Variants in SAMD4A observed in about 807,000 individuals in gnomAD.
The protein encoded by SAMD4A is protein Smaug homolog 1.
SAMD4A carries 33 observed loss-of-function variants against 81.3 expected under a neutral mutation model. The observed-to-expected ratio is 0.41, with a 90% CI of 0.31 to 0.54. SAMD4A has a LOEUF of 0.54. SAMD4A is among the 20% of genes least tolerant of loss of function. The pLI is 0.37. For synonymous variants in SAMD4A, 389 were observed against 382.1 expected (o/e 1.02, Z -0.21); for missense variants, 854 against 951.1 (o/e 0.90, Z 1.34).
intron 2 of SAMD4A, chr14:54,685,809 T>C (rs542198593): frequency 4.4e-5 from 20 of 456,666 alleles, no homozygotes; most frequent in South Asian, 2.9e-4. Context: ...TTCAGGCAGA[T>C]TGAGGTATGC....
At chr14:54,610,469 GCTCTTACTATT>G (rs2034324662) in intron 2 of SAMD4A, among the ~76,000 whole-genome samples, 1 of 152,172 alleles carries the variant, frequency 6.6e-6, no homozygotes, top group African/African-American at 2.4e-5. Flanking sequence ...GCTGACACCA[GCTCTTACTATT>G]CTCTTTGCTC....
At chr14:54,644,313 C>T (rs777154399) in intron 2 of SAMD4A, among the ~76,000 whole-genome samples, 5 of 152,138 alleles carry the variant, frequency 3.3e-5, no homozygotes, top group African/African-American at 9.7e-5. Context: ...AAATACCATA[C>T]TTCTAATAGA....
intron 12 of SAMD4A, 34 bp from the exon 13 acceptor site, chr14:54,788,882 A>T (rs1459657601): frequency 1.2e-6 from 2 of 1,614,082 alleles, no homozygotes; most frequent in Admixed American, 3.3e-5. Flanking sequence ...TGTTTTGCTC[A>T]CCTGTGCCCA....
At chr14:54,656,948 G>A (rs1423485738) in intron 2 of SAMD4A, among the ~76,000 whole-genome samples, 2 of 152,018 alleles carry the variant, frequency 1.3e-5, no homozygotes, top group Non-Finnish European at 2.9e-5. Flanking sequence ...ATAGGGCAAA[G>A]AAACCACTGA....
At chr14:54,763,057 G>A (rs1446220794) in intron 7 of SAMD4A, among the ~76,000 whole-genome samples, 3 of 151,652 alleles carry the variant, frequency 2.0e-5, no homozygotes, top group South Asian at 2.1e-4. Context: ...GGGTTTCACC[G>A]TGTTAGCTAG....
intron 2 of SAMD4A, among the ~76,000 whole-genome samples, chr14:54,575,033 G>T (rs555401129): frequency 1.3e-5 from 2 of 152,310 alleles, no homozygotes; most frequent in South Asian, 4.1e-4. Flanking sequence ...GCAATTTGGT[G>T]CAGTAGCTTT....
At chr14:54,774,276 G>A (rs2038779871) in intron 9 of SAMD4A, among the ~76,000 whole-genome samples, 1 of 152,234 alleles carries the variant, frequency 6.6e-6, no homozygotes, top group Non-Finnish European at 1.5e-5. Context: ...ACTTCATAGG[G>A]TTGTTGCAAG....
At chr14:54,688,237 A>G in intron 2 of SAMD4A, 1 of 985,456 alleles carries the variant, frequency 1.0e-6, no homozygotes, top group African/African-American at 1.7e-5. Context: ...TTGTGGGTTC[A>G]TCGTCAGACC....
intron 7 of SAMD4A, among the ~76,000 whole-genome samples, chr14:54,764,034 C>G (rs1376550579): frequency 2.6e-5 from 4 of 152,226 alleles, no homozygotes; most frequent in Non-Finnish European, 2.9e-5. Context: ...GCCGCTGTCT[C>G]TGCACCTGGC....
chr14:54,643,583 C>T (rs2035220687), intron 2 of SAMD4A, among the ~76,000 whole-genome samples: 1 of 152,206 alleles, frequency 6.6e-6, no homozygotes, highest in Non-Finnish European at 1.5e-5. Flanking sequence ...AATGCCTCAA[C>T]AGTGGACCTA....
At chr14:54,758,795 A>C (rs1046520456) in intron 6 of SAMD4A, among the ~76,000 whole-genome samples, 1 of 152,054 alleles carries the variant, frequency 6.6e-6, no homozygotes, top group Admixed American at 6.6e-5. Context: ...ATGCCACTGC[A>C]CTCTGGCCTG....
chr14:54,635,936 C>G (rs566856958), intron 2 of SAMD4A, among the ~76,000 whole-genome samples: 3 of 152,120 alleles, frequency 2.0e-5, no homozygotes, highest in African/African-American at 4.8e-5. Context: ...ACTTGGGATA[C>G]GTTGAATAAC....
At chr14:54,579,029 TTTTTC>T (rs1344451288) in intron 2 of SAMD4A, among the ~76,000 whole-genome samples, 1 of 152,246 alleles carries the variant, frequency 6.6e-6, no homozygotes, top group Non-Finnish European at 1.5e-5. Context: ...CTCCATATCT[TTTTTC>T]TTCTCTCCGT....
At chr14:54,660,895 T>C (rs2035628664) in intron 2 of SAMD4A, among the ~76,000 whole-genome samples, 1 of 152,246 alleles carries the variant, frequency 6.6e-6, no homozygotes, top group South Asian at 2.1e-4. Flanking sequence ...TGAATTTCTG[T>C]GTGTAATCAT....
intron 2 of SAMD4A, among the ~76,000 whole-genome samples, chr14:54,663,677 G>C (rs1297450841): frequency 6.6e-6 from 1 of 152,150 alleles, no homozygotes; most frequent in Non-Finnish European, 1.5e-5. Context: ...AGACTGTTAG[G>C]TCTCACGTGG....
chr14:54,641,892 G>A (rs551933629), intron 2 of SAMD4A, among the ~76,000 whole-genome samples: 6 of 151,078 alleles, frequency 4.0e-5, no homozygotes, highest in African/African-American at 1.5e-4. Flanking sequence ...CCTCCTCCTG[G>A]GTTCAAGCAA....
chr14:54,725,118 T>C (rs1387397283), intron 3 of SAMD4A, among the ~76,000 whole-genome samples: 1 of 152,230 alleles, frequency 6.6e-6, no homozygotes, highest in African/African-American at 2.4e-5. Flanking sequence ...TTGCTTTGCA[T>C]ATGAGGAACC....
chr14:54,739,518 C>CAAAAAA (rs11301120), intron 4 of SAMD4A, among the ~76,000 whole-genome samples: 1 of 135,346 alleles, frequency 7.4e-6, no homozygotes. Flanking sequence ...AGTTAAATGG[C>CAAAAAA]AAAAAAAAAA....
At chr14:54,710,775 T>C (rs2036969381) in intron 3 of SAMD4A, among the ~76,000 whole-genome samples, 1 of 152,184 alleles carries the variant, frequency 6.6e-6, no homozygotes, top group South Asian at 2.1e-4. Flanking sequence ...TTTGTGTCAG[T>C]TTTTGGTCGC....
Sources: allele counts gnomAD v4.1 joint callset (sites outside exome capture counted in the v4.1 genomes callset), GRCh38; gene constraint gnomAD v4.1.1; transcripts MANE v1.5; gene names NCBI Gene and HGNC (gene_info 2026-07-23, HGNC 2026-07-21).